Variants in SGTA observed in about 807,000 individuals in gnomAD.
SGTA encodes the protein small glutamine rich tetratricopeptide repeat co-chaperone alpha.
A neutral mutation model predicts 44.3 loss-of-function variants in SGTA; 22 were observed. That is an observed-to-expected ratio of 0.50 (90% CI 0.36 to 0.71). SGTA has a LOEUF of 0.71. Ranked by LOEUF, SGTA falls within the 30% of genes least tolerant of loss-of-function variation. The pLI, the probability that SGTA is intolerant of heterozygous loss-of-function variation, is 0.00. For synonymous variants in SGTA, 174 were observed against 177.6 expected (o/e 0.98, Z 0.16); for missense variants, 341 against 435.9 (o/e 0.78, Z 1.94).
rs777877207 is a variant in SGTA at position 2,757,388 on chromosome 19, G to T, written c.897C>A (p.Ile299=). The change falls in exon 11 of 12, where the codon ATC becomes ATA. Residue 299 remains isoleucine, a synonymous_variant. Coordinates refer to ENST00000221566, the MANE Select transcript of SGTA (RefSeq NM_003021.4). The part of the protein sequence containing the change: ...PELIEQLRSQ[I]RSRTPSASND... ...TGCTGGCGCTGGGCGTCCGACTCCG[G>T]ATCTGGCTCCTGAGCTGCTCTATCA... 1.9e-6 allele frequency: 3 copies of T among 1,607,362 alleles called. No individual in the cohort carries two copies. Among genetic ancestry groups the T allele is most frequent in the Non-Finnish European group, 1.7e-6 (2 of 1,179,922 alleles).
chr19:2,777,808 T>C (rs1451286389), intron 1 of SGTA: 3 of 151,720 alleles, frequency 2.0e-5, no homozygotes, highest in African/African-American at 7.3e-5. Flanking sequence ...CCCAGCACTT[T>C]GGGAGGCTGA....
At chr19:2,756,797 G>A (rs1914830493) in intron 11 of SGTA, among the ~76,000 whole-genome samples, 1 of 152,094 alleles carries the variant, frequency 6.6e-6, no homozygotes, top group African/African-American at 2.4e-5. Context: ...AACCCATGGG[G>A]GACACTGAGT....
At chr19:2,768,023 G>C (rs570273908) in intron 2 of SGTA, among the ~76,000 whole-genome samples, 1 of 152,190 alleles carries the variant, frequency 6.6e-6, no homozygotes, top group African/African-American at 2.4e-5. Flanking sequence ...GGAGGGCCAC[G>C]TCAGGGGTGA....
At chr19:2,762,245 A>C (rs1310656789) in intron 7 of SGTA, among the ~76,000 whole-genome samples, 9 of 151,964 alleles carry the variant, frequency 5.9e-5, no homozygotes, top group African/African-American at 1.7e-4. Context: ...CACAAAACCC[A>C]CATCGAGGGT....
intron 9 of SGTA, among the ~76,000 whole-genome samples, chr19:2,758,515 T>G: frequency 8.6e-6 from 1 of 116,120 alleles, no homozygotes; most frequent in African/African-American, 3.9e-5. Context: ...AGATTCTGTC[T>G]CAAAAAAAAA....
chr19:2,762,432 T>C (rs1052548974), intron 7 of SGTA, 74 bp downstream of exon 7: 4 of 1,501,536 alleles, frequency 2.7e-6, no homozygotes, highest in Non-Finnish European at 3.7e-6. Flanking sequence ...GAGCCACTGG[T>C]GCGCCCGAGG....
At position 2,767,245 on chromosome 19, in the gene SGTA, C is replaced by T. The variant is rs148123758; in HGVS notation, c.208-25G>A. On this transcript the variant is annotated intron_variant, in intron 3 of 11. Transcript: ENST00000221566. The surrounding 1 kb of genome is among the most constrained non-coding windows in gnomAD (Gnocchi z 7.3). ...CCTGGACCCGGAGGCAAAGGCGGCC[C>T]GCTGTCCTCTCCTCCCAACCTGGCA... 3.1e-3 allele frequency: 4,863 copies of T among 1,571,372 alleles called. 14 individuals are homozygous for T. Among genetic ancestry groups the T allele is most frequent in the Non-Finnish European group, 3.6e-3 (4,129 of 1,152,524 alleles).
At chr19:2,757,536 G>A (rs959389546) in intron 10 of SGTA, 79 bp from the exon 11 acceptor site, 10 of 1,547,256 alleles carry the variant, frequency 6.5e-6, no homozygotes, top group East Asian at 2.4e-5. Flanking sequence ...CTGACCCCTC[G>A]GGCCCTCCAC....
chr19:2,756,059 G>A (rs773915184), intron 11 of SGTA, 126 bp from the exon 12 acceptor site: 13 of 364,200 alleles, frequency 3.6e-5, no homozygotes, highest in African/African-American at 1.1e-4. Context: ...TTCAACGAAC[G>A]TCAGAGCCAC....
intron 1 of SGTA, among the ~76,000 whole-genome samples, chr19:2,771,053 G>T (rs1254029720): frequency 6.6e-6 from 1 of 152,248 alleles, no homozygotes; most frequent in African/African-American, 2.4e-5. Context: ...GCTCCATTGT[G>T]GCTGCTGTCA....
In SGTA at chr19:2,755,514, G is replaced by T; in HGVS notation, c.*426C>A. 1.0e-6 allele frequency: 1 copy of T among 986,838 alleles called. No homozygotes were observed. The highest frequency in any genetic ancestry group is 4.7e-5 in the South Asian group (1 of 21,346). The allele number at this position is 986,838 out of a possible 1,614,324, so 61.1% of individuals were successfully genotyped here. A position where few individuals can be genotyped will look rare whatever the true frequency, so the allele number is the denominator to read the frequency against. On this transcript the variant is annotated 3_prime_UTR_variant, in exon 12 of 12. Transcript: ENST00000221566. The surrounding 1 kb of genome is among the most constrained non-coding windows in gnomAD (Gnocchi z 5.2). The stretch of plus-strand genomic sequence containing the variant: ...CTCGGAAAGAGGCTTCTCACAGACG[G>T]GAGAGTTCCTGCAGACAGACCACGG...
Position 2,765,246 on chromosome 19 carries a change from A to G in SGTA, c.332T>C (p.Val111Ala). The change falls in exon 5 of 12, where the codon GTG becomes GCG. Residue 111 changes from valine (V) to alanine (A), a missense_variant. Transcript: ENST00000221566. The surrounding 1 kb of genome is among the most constrained non-coding windows in gnomAD (Gnocchi z 5.5). ...QMKVENFEAA[V>A]HFYGKAIELN... ...CTCGATGGCTTTTCCGTAGAAATGCACGGCAGCTTCAAAGTTTTCCACTTT... is the reference window on the plus strand; with the variant it reads ...CTCGATGGCTTTTCCGTAGAAATGCGCGGCAGCTTCAAAGTTTTCCACTTT... The G allele has an allele frequency of 6.2e-7, 1 of 1,614,088 alleles. No individual in the cohort carries two copies. The highest frequency in any genetic ancestry group is 1.1e-5 in the South Asian group (1 of 91,090).
chr19:2,760,561 A>G (rs934428302), intron 8 of SGTA, among the ~76,000 whole-genome samples: 6 of 151,702 alleles, frequency 4.0e-5, no homozygotes, highest in African/African-American at 1.5e-4. Flanking sequence ...CTTTATTAAC[A>G]AAACCCAGCG....
Position 2,761,786 on chromosome 19 carries a change from C to T in SGTA, c.637-264G>A, listed in dbSNP as rs1460042008. 2.1e-5 allele frequency among the ~76,000 whole-genome samples: 3 copies of T among 142,590 alleles called. No individual in the cohort carries two copies. Among genetic ancestry groups the T allele is most frequent in the Non-Finnish European group, 3.0e-5 (2 of 65,692 alleles). 93.5% of individuals were successfully genotyped at this position (142,590 alleles called of 152,430 possible). ...CATCCCGTGTTTATTCCCCGCACAG[C>T]GCGACCGCCCGGGGACGGCACAGTC... On this transcript the variant is annotated intron_variant, in intron 7 of 11. Coordinates refer to ENST00000221566, the MANE Select transcript of SGTA (RefSeq NM_003021.4). The surrounding 1 kb of genome is among the most constrained non-coding windows in gnomAD (Gnocchi z 5.7).
rs776372448 is a variant in SGTA at position 2,767,102 on chromosome 19, C to T, written c.292+34G>A. 7.3e-6 allele frequency: 11 copies of T among 1,509,812 alleles called. No individual in the cohort carries two copies. Among genetic ancestry groups the T allele is most frequent in the African/African-American group, 5.5e-5 (4 of 72,744 alleles). The allele number at this position is 1,509,812 out of a possible 1,614,324, so 93.5% of individuals were successfully genotyped here. A position where few individuals can be genotyped will look rare whatever the true frequency, so the allele number is the denominator to read the frequency against. On this transcript the variant is annotated intron_variant, in intron 4 of 11. Transcript: ENST00000221566. This position sits in a 1 kb window ranked among gnomAD's most constrained non-coding sequence, Gnocchi z 7.3. ...CCACAGCCCCGGAGTCCAGGTAGGG[C>T]GAGGTGTCTGTGGGGATGGAGGTCC...
intron 2 of SGTA, among the ~76,000 whole-genome samples, chr19:2,768,179 C>A (rs1353881698): frequency 1.3e-5 from 2 of 152,204 alleles, no homozygotes; most frequent in African/African-American, 2.4e-5. Flanking sequence ...CAGGGCCCCT[C>A]TCTCTGCTGG....
intron 9 of SGTA, among the ~76,000 whole-genome samples, chr19:2,758,585 A>C (rs1181887025): frequency 6.6e-6 from 1 of 152,116 alleles, no homozygotes; most frequent in Non-Finnish European, 1.5e-5. Flanking sequence ...CCCAGTGCGC[A>C]CAGCGCTTAC....
In SGTA at chr19:2,759,406, C is replaced by G. The variant is rs904346158; in HGVS notation, c.700-112G>C. On this transcript the variant is annotated intron_variant, in intron 8 of 11. Coordinates refer to ENST00000221566, the MANE Select transcript of SGTA (RefSeq NM_003021.4). Reference sequence around the variant, plus strand: ...TGGTTCTGGACTCCAGCACGCCAACCAACAGTAAGAGCCGGGCATTCGGTC... The same window carrying G: ...TGGTTCTGGACTCCAGCACGCCAACGAACAGTAAGAGCCGGGCATTCGGTC... 4 of 958,532 alleles carry G rather than the reference C, an allele frequency of 4.2e-6. No individual in the cohort carries two copies. In the East Asian group the frequency reaches 7.2e-5, roughly 17 times the overall value. The allele number at this position is 958,532 out of a possible 1,614,324, so 59.4% of individuals were successfully genotyped here.
In SGTA at chr19:2,755,270, G is replaced by T; in HGVS notation, c.*670C>A. ...ATGAGGGTGGGAGGAGGGGAAACAT[G>T]TCTGTCAACATGCCCAACTGGAGAA... On this transcript the variant is annotated 3_prime_UTR_variant, in exon 12 of 12. Coordinates refer to ENST00000221566, the MANE Select transcript of SGTA (RefSeq NM_003021.4). The surrounding 1 kb of genome is among the most constrained non-coding windows in gnomAD (Gnocchi z 5.2). 3.2e-6 allele frequency: 1 copy of T among 309,654 alleles called. No individual in the cohort carries two copies. The highest frequency in any genetic ancestry group is 4.8e-6 in the Non-Finnish European group (1 of 210,244). 19.2% of individuals were successfully genotyped at this position (309,654 alleles called of 1,614,324 possible). A position where few individuals can be genotyped will look rare whatever the true frequency, so the allele number is the denominator to read the frequency against.
Sources: allele counts gnomAD v4.1 joint callset (sites outside exome capture counted in the v4.1 genomes callset), GRCh38; gene constraint gnomAD v4.1.1; non-coding constraint Gnocchi (gnomAD v3.1); transcripts MANE v1.5; gene names NCBI Gene and HGNC (gene_info 2026-07-23, HGNC 2026-07-21).